HORMAD2: variants seen among roughly 807,000 people sequenced by gnomAD.
HORMAD2 encodes the protein HORMA domain containing 2, also known as HORMA domain-containing protein 2.
Under a neutral mutation model 38.8 loss-of-function variants are expected in HORMAD2, and 45 were observed. The ratio of observed to expected loss-of-function variants is 1.16; its 90% CI spans 0.91 to 1.49. The LOEUF (loss-of-function observed/expected upper bound fraction) is 1.49. Ranked by LOEUF, HORMAD2 falls within the 40% of genes most tolerant of loss-of-function variation. The probability of loss-of-function intolerance (pLI) is 0.00; values close to 1 mark genes in which losing one functional copy is unlikely to be tolerated. For missense variants in HORMAD2, 338 were observed against 367.0 expected (o/e 0.92, Z 0.65); for synonymous variants, 126 against 122.8 (o/e 1.03, Z -0.17).
the HORMAD2 span, among the ~76,000 whole-genome samples, chr22:30,203,240 CA>C: frequency 0.78 from 118,315 of 151,852 alleles, 47,836 homozygotes; most frequent in Middle Eastern, 0.92. Context: ...ACAAAATATA[CA>C]AAAATTAGCT....
intron 10 of HORMAD2, among the ~76,000 whole-genome samples, chr22:30,166,817 C>T (rs1925812883): frequency 6.6e-6 from 1 of 152,074 alleles, no homozygotes; most frequent in Admixed American, 6.6e-5. Flanking sequence ...TGAAGTACTA[C>T]TAGAAATTGG....
intron 5 of HORMAD2, among the ~76,000 whole-genome samples, chr22:30,108,165 A>G (rs1921345487): frequency 6.6e-6 from 1 of 152,206 alleles, no homozygotes; most frequent in Non-Finnish European, 1.5e-5. Context: ...ATTGTAAAAA[A>G]AGAGACTATA....
At position 30,111,801 on chromosome 22, in the gene HORMAD2, T is replaced by A. The variant is rs1337223316; in HGVS notation, c.300T>A (p.Arg100=). 1.9e-6 allele frequency: 3 copies of A among 1,567,946 alleles called. No homozygotes were observed. Among genetic ancestry groups the A allele is most frequent in the Non-Finnish European group, 2.6e-6 (3 of 1,154,872 alleles). ...CFDALEKRYL[R]MAVLTLYTDP... The stretch of plus-strand genomic sequence containing the variant: ...TTTTTTTCTTTCTCTTGAAGCTACG[T>A]ATGGCAGTACTGACAGTAAGTACAC... Residue 100 remains arginine (R), a synonymous_variant, in exon 6 of 11, where the codon CGT becomes CGA. Transcript: ENST00000336726.
At chr22:30,169,351 CA>C (rs955897009) in intron 10 of HORMAD2, among the ~76,000 whole-genome samples, 2 of 151,330 alleles carry the variant, frequency 1.3e-5, no homozygotes, top group Non-Finnish European at 2.9e-5. Context: ...AGAAGGTGCC[CA>C]AAAAAAATTT....
rs554541314 is a variant in HORMAD2 at position 30,098,751 on chromosome 22, T to C, written c.52-101T>C. ...TGATTACCTTCAAAGATATCAAATT[T>C]GAAGTCCTGAGAAATCTTTTCATCA... is the stretch of plus-strand genomic sequence containing the variant. On this transcript the variant is annotated intron_variant, in intron 2 of 10. Coordinates refer to ENST00000336726, the MANE Select transcript of HORMAD2 (RefSeq NM_152510.4). 2.7e-5 allele frequency: 26 copies of C among 974,468 alleles called. No individual in the cohort carries two copies. In the African/African-American group the frequency reaches 3.8e-4, roughly 14 times the overall value. The allele number at this position is 974,468 out of a possible 1,614,324, so 60.4% of individuals were successfully genotyped here. A position where few individuals can be genotyped will look rare whatever the true frequency, so the allele number is the denominator to read the frequency against.
the HORMAD2 span, chr22:30,207,023 G>A: frequency 3.0e-5 from 14 of 466,920 alleles, no homozygotes; most frequent in South Asian, 4.7e-5. Flanking sequence ...GCCTCCACCC[G>A]TCCCCTCGTG....
intron 10 of HORMAD2, among the ~76,000 whole-genome samples, chr22:30,164,684 G>A (rs371876240): frequency 7.2e-5 from 11 of 152,206 alleles, no homozygotes; most frequent in South Asian, 2.1e-4. Context: ...TTAAGAGACA[G>A]CGTCTCACTA....
At chr22:30,107,025 C>T (rs900401035) in intron 5 of HORMAD2, among the ~76,000 whole-genome samples, 2 of 152,178 alleles carry the variant, frequency 1.3e-5, no homozygotes, top group African/African-American at 4.8e-5. Context: ...ATGGTTAGAA[C>T]AATGCCTGGC....
the HORMAD2 span, among the ~76,000 whole-genome samples, chr22:30,191,578 G>T: frequency 6.6e-6 from 1 of 152,136 alleles, no homozygotes. Context: ...ATGTGGCATT[G>T]GTAGCTCTGC....
chr22:30,192,956 A>G, the HORMAD2 span, among the ~76,000 whole-genome samples: 1 of 152,236 alleles, frequency 6.6e-6, no homozygotes, highest in Non-Finnish European at 1.5e-5. Context: ...AAGGAAACAT[A>G]CAGGCACACA....
At chr22:30,150,918 A>G (rs1924708517) in intron 10 of HORMAD2, among the ~76,000 whole-genome samples, 2 of 152,188 alleles carry the variant, frequency 1.3e-5, no homozygotes, top group African/African-American at 4.8e-5. Flanking sequence ...ATTTTATCCT[A>G]GGGTGGAAGA....
chr22:30,122,186 G>C lies in HORMAD2; in HGVS notation c.791G>C (p.Cys264Ser). ...GAGATCGCCCATCAGGGTCTAGACT[G>C]TGATGAGGAAGAAGAATGCAATGAC... is the stretch of plus-strand genomic sequence containing the variant. ...TTEIAHQGLD[C>S]DEEEECNDHI... Residue 264 changes from cysteine to serine, a missense_variant, in exon 10 of 11, where the codon TGT (cysteine) becomes TCT (serine). Coordinates refer to ENST00000336726, the MANE Select transcript of HORMAD2 (RefSeq NM_152510.4). 2 of 1,612,616 alleles carry C rather than the reference G, an allele frequency of 1.2e-6. No homozygotes were observed. Among genetic ancestry groups the C allele is most frequent in the Non-Finnish European group, 1.7e-6 (2 of 1,179,244 alleles).
At chr22:30,153,721 T>C (rs1368642596) in intron 10 of HORMAD2, among the ~76,000 whole-genome samples, 1 of 152,008 alleles carries the variant, frequency 6.6e-6, no homozygotes, top group Non-Finnish European at 1.5e-5. Flanking sequence ...CACTTTCCTA[T>C]CATTAGTCAC....
chr22:30,179,136 C>G (rs1926599329), downstream of HORMAD2, among the ~76,000 whole-genome samples: 1 of 152,130 alleles, frequency 6.6e-6, no homozygotes, highest in Non-Finnish European at 1.5e-5. Context: ...TTTATGGTTT[C>G]AAACCCAACA....
the HORMAD2 span, among the ~76,000 whole-genome samples, chr22:30,184,086 C>A: frequency 6.6e-6 from 1 of 152,182 alleles, no homozygotes; most frequent in Non-Finnish European, 1.5e-5. Flanking sequence ...ACAAGGAATG[C>A]GGTTAAATCC....
the HORMAD2 span, among the ~76,000 whole-genome samples, chr22:30,190,439 C>T: frequency 2.0e-5 from 3 of 152,234 alleles, no homozygotes; most frequent in Non-Finnish European, 2.9e-5. Context: ...CAGCCACTAT[C>T]CCTAGCACGG....
chr22:30,199,584 G>C, the HORMAD2 span, among the ~76,000 whole-genome samples: 1 of 152,164 alleles, frequency 6.6e-6, no homozygotes, highest in Non-Finnish European at 1.5e-5. Context: ...ACGTCAACTA[G>C]CATCTGCCTG....
chr22:30,203,696 C>T, the HORMAD2 span, among the ~76,000 whole-genome samples: 1 of 152,268 alleles, frequency 6.6e-6, no homozygotes, highest in South Asian at 2.1e-4. Context: ...GCACACAATC[C>T]ACCTTCTCAC....
intron 1 of HORMAD2, among the ~76,000 whole-genome samples, chr22:30,087,868 T>C (rs1033352348): frequency 1.3e-5 from 2 of 152,150 alleles, no homozygotes; most frequent in African/African-American, 4.8e-5. Context: ...CTACTGTGCC[T>C]GGCCATGCCA....
Sources: gnomAD v4.1 joint callset for allele counts (sites outside exome capture counted in the v4.1 genomes callset) on GRCh38, gnomAD v4.1.1 for gene constraint, MANE v1.5 for transcripts, NCBI Gene and HGNC (gene_info 2026-07-23, HGNC 2026-07-21) for gene names.